The following PCDHGB4 variants were observed in gnomAD, a reference collection of about 807,000 sequenced individuals.
PCDHGB4 encodes protocadherin gamma subfamily B, 4, also known as protocadherin gamma-B4.
PCDHGB4 carries 38 observed loss-of-function variants against 60.5 expected under a neutral mutation model. That is an observed-to-expected ratio of 0.63 (90% CI 0.48 to 0.82). The LOEUF (loss-of-function observed/expected upper bound fraction) is 0.82. PCDHGB4 is among the 40% of genes least tolerant of loss of function. The pLI, the probability that PCDHGB4 is intolerant of heterozygous loss-of-function variation, is 0.00. For missense variants in PCDHGB4, 1,109 were observed against 1,209.6 expected (o/e 0.92, Z 1.23); for synonymous variants, 456 against 509.7 (o/e 0.89, Z 1.42).
At chr5:141,503,902 C>T (rs552180745) in intron 2 of PCDHGB4, among the ~76,000 whole-genome samples, 7 of 152,328 alleles carry the variant, frequency 4.6e-5, no homozygotes, top group African/African-American at 1.7e-4. Context: ...AATATGCACA[C>T]ACACAACGCA....
Position 141,389,363 on chromosome 5 carries a change from C to A in PCDHGB4, c.1479C>A (p.Asp493Glu), listed in dbSNP as rs776814041. The change falls in exon 1 of 4, where the codon GAC (aspartate) becomes GAA (glutamate). Residue 493 changes from aspartate (D) to glutamate (E), a missense_variant. Around this residue, in one of 2 missense-constraint regions of PCDHGB4, gnomAD observed 1,068 missense variants for 1,089.9 expected, o/e 0.98. Coordinates refer to ENST00000519479, the MANE Select transcript of PCDHGB4 (RefSeq NM_003736.4). ...GQVSYCIMAS[D>E]LEQRELSSYV... ...TCTCTTACTGCATCATGGCCAGTGA[C>A]CTGGAGCAGCGGGAGCTGTCATCCT... The A allele has an allele frequency of 3.1e-6, 5 of 1,613,868 alleles. No individual in the cohort carries two copies. Among genetic ancestry groups the A allele is most frequent in the Non-Finnish European group, 4.2e-6 (5 of 1,179,914 alleles).
At chr5:141,501,997 C>A (rs2099812238) in intron 2 of PCDHGB4, among the ~76,000 whole-genome samples, 1 of 152,128 alleles carries the variant, frequency 6.6e-6, no homozygotes, top group Non-Finnish European at 1.5e-5. Context: ...GTCTCCCTGA[C>A]AACCCGCATG....
At chr5:141,400,181 A>G (rs1188334062) in intron 1 of PCDHGB4, 14 of 1,614,034 alleles carry the variant, frequency 8.7e-6, no homozygotes, top group Non-Finnish European at 1.1e-5. Flanking sequence ...GCTGAGCTGC[A>G]GTTTTACCTA....
At chr5:141,414,722 G>T in intron 1 of PCDHGB4, 1 of 1,614,128 alleles carries the variant, frequency 6.2e-7, no homozygotes, top group South Asian at 1.1e-5. Flanking sequence ...TCAGACACTG[G>T]CGTCCTGTAT....
chr5:141,391,887 T>C (rs970251505), intron 1 of PCDHGB4: 1 of 152,200 alleles, frequency 6.6e-6, no homozygotes, highest in Non-Finnish European at 1.5e-5. Context: ...GTGAAAGGGA[T>C]GGGATGGAGC....
At chr5:141,399,597 C>A in intron 1 of PCDHGB4, 3 of 1,613,958 alleles carry the variant, frequency 1.9e-6, no homozygotes, top group Non-Finnish European at 2.5e-6. Context: ...TCATGGCCAG[C>A]GACCTAGAGC....
At chr5:141,424,715 G>A (rs1299933373) in intron 1 of PCDHGB4, 1 of 152,132 alleles carries the variant, frequency 6.6e-6, no homozygotes, top group Admixed American at 6.6e-5. Flanking sequence ...TTTCAGTGTA[G>A]TTGGGAGTCA....
intron 1 of PCDHGB4, chr5:141,394,309 C>T (rs2092971552): frequency 6.2e-7 from 1 of 1,613,992 alleles, no homozygotes; most frequent in Non-Finnish European, 8.5e-7. Flanking sequence ...CTGCAGGGGG[C>T]GCCCCTGTCC....
chr5:141,421,297 C>T (rs143092131), intron 1 of PCDHGB4: 106 of 1,613,512 alleles, frequency 6.6e-5, no homozygotes, highest in Non-Finnish European at 8.5e-5. Flanking sequence ...CCTGGGGACG[C>T]TGCGGGGGTT....
At chr5:141,438,883 C>T (rs1026043786) in intron 1 of PCDHGB4, among the ~76,000 whole-genome samples, 4 of 151,728 alleles carry the variant, frequency 2.6e-5, no homozygotes, top group Non-Finnish European at 5.9e-5. Context: ...CCAGGCTGCT[C>T]TTGAACTCCT....
chr5:141,431,617 C>A lies in PCDHGB4; in HGVS notation c.2397+41336C>A. ...GGTATTCCTTCCGGTATGTGGACGA[C>A]AAGGCGGCCCAAGTTTTCAAACTAG... On this transcript the variant is annotated intron_variant, in intron 1 of 3. Coordinates refer to ENST00000519479, the MANE Select transcript of PCDHGB4 (RefSeq NM_003736.4). This position sits in a 1 kb window ranked among gnomAD's most constrained non-coding sequence, Gnocchi z 4.8. 6.2e-7 allele frequency: 1 copy of A among 1,614,236 alleles called. No homozygotes were observed. Among genetic ancestry groups the A allele is most frequent in the Non-Finnish European group, 8.5e-7 (1 of 1,180,044 alleles).
Position 141,395,219 on chromosome 5 carries a change from T to G in PCDHGB4, c.2397+4938T>G, listed in dbSNP as rs1303078300. On this transcript the variant is annotated intron_variant, in intron 1 of 3. Coordinates refer to ENST00000519479, the MANE Select transcript of PCDHGB4 (RefSeq NM_003736.4). Reference sequence around the variant, plus strand: ...CCGTAGATTTTCATGAATATAAGAATGAAGCTGATCATGGTCAGGTGAGTT... The same window carrying G: ...CCGTAGATTTTCATGAATATAAGAAGGAAGCTGATCATGGTCAGGTGAGTT... 3.7e-6 allele frequency: 6 copies of G among 1,611,924 alleles called. No individual in the cohort carries two copies. In the African/African-American group the frequency reaches 4.0e-5, roughly 11 times the overall value.
chr5:141,479,813 T>G (rs543146395), intron 1 of PCDHGB4, among the ~76,000 whole-genome samples: 1 of 152,318 alleles, frequency 6.6e-6, no homozygotes, highest in South Asian at 2.1e-4. Flanking sequence ...TATGCAAGGA[T>G]ACTATCCAAG....
chr5:141,485,577 G>A lies in PCDHGB4; in HGVS notation c.2398-9230G>A. Reference sequence around the variant, plus strand: ...AATGATCACGCCCCCCGTTTTCCGCGGCAGCAGCTGGACTTGGAAATTGGG... The same window carrying A: ...AATGATCACGCCCCCCGTTTTCCGCAGCAGCAGCTGGACTTGGAAATTGGG... On this transcript the variant is annotated intron_variant, in intron 1 of 3. Transcript: ENST00000519479. This position sits in a 1 kb window ranked among gnomAD's most constrained non-coding sequence, Gnocchi z 5.7. 2 of 1,612,500 alleles carry A rather than the reference G, an allele frequency of 1.2e-6. No individual in the cohort carries two copies. Among genetic ancestry groups the A allele is most frequent in the Non-Finnish European group, 8.5e-7 (1 of 1,178,676 alleles).
intron 1 of PCDHGB4, chr5:141,415,929 T>C: frequency 1.6e-6 from 1 of 629,678 alleles, no homozygotes; most frequent in African/African-American, 1.9e-5. Context: ...TGTCAATTTA[T>C]ATTTCCTCCT....
rs759819103 is a variant in PCDHGB4, at chr5:141,398,546, T to A, written c.2397+8265T>A. On this transcript the variant is annotated intron_variant, in intron 1 of 3. Transcript: ENST00000519479. ...AAATTCACGCAAAATTCCTTTGAGC[T>A]GCAAATAAGTGAGTCTGCACAGCCT... 3.1e-6 allele frequency: 5 copies of A among 1,613,902 alleles called. No homozygotes were observed. The East Asian group carries it at 1.1e-4, about 36-fold the overall frequency.
chr5:141,499,261 GT>G (rs2099790689), intron 2 of PCDHGB4, among the ~76,000 whole-genome samples: 1 of 152,022 alleles, frequency 6.6e-6, no homozygotes, highest in South Asian at 2.1e-4. Context: ...TCTCCATTTG[GT>G]CCCTAGACTG....
intron 1 of PCDHGB4, chr5:141,420,388 A>G (rs986892784): frequency 3.1e-6 from 4 of 1,282,144 alleles, no homozygotes; most frequent in Non-Finnish European, 4.1e-6. Context: ...TTCGCAAAAT[A>G]TAGGTCAAAT....
intron 1 of PCDHGB4, chr5:141,426,887 G>C (rs1309180455): frequency 6.6e-6 from 3 of 456,646 alleles, no homozygotes; most frequent in South Asian, 4.6e-5. Context: ...TGGGCCAGGA[G>C]CAACAGAGCT....
Sources: allele counts gnomAD v4.1 joint callset (sites outside exome capture counted in the v4.1 genomes callset), GRCh38; gene constraint gnomAD v4.1.1; regional missense constraint gnomAD v4.1.1; non-coding constraint Gnocchi (gnomAD v3.1); transcripts MANE v1.5; gene names NCBI Gene and HGNC (gene_info 2026-07-23, HGNC 2026-07-21).